The following DNAJC2 variants were observed in gnomAD, a reference collection of about 807,000 sequenced individuals.
DNAJC2 encodes dnaJ homolog subfamily C member 2.
Under a neutral mutation model 94.0 loss-of-function variants are expected in DNAJC2, and 32 were observed. The ratio of observed to expected loss-of-function variants is 0.34; its 90% CI spans 0.26 to 0.46. DNAJC2 has a LOEUF of 0.46. Among genes scored for constraint, DNAJC2 ranks in the 20% least tolerant of loss-of-function variants. DNAJC2 has a pLI of 1.00. For missense variants in DNAJC2, 550 were observed against 719.5 expected (o/e 0.76, Z 2.69); for synonymous variants, 210 against 229.7 (o/e 0.91, Z 0.77).
Position 103,326,808 on chromosome 7 carries a change from C to T in DNAJC2, c.431-124G>A. The T allele has an allele frequency of 5.1e-6, 5 of 980,622 alleles. No homozygotes were observed. In the South Asian group the frequency reaches 7.4e-5, roughly 15 times the overall value. 60.7% of individuals were successfully genotyped at this position (980,622 alleles called of 1,614,324 possible). A position where few individuals can be genotyped will look rare whatever the true frequency, so the allele number is the denominator to read the frequency against. On this transcript the variant is annotated intron_variant, in intron 4 of 16. Coordinates refer to ENST00000379263, the MANE Select transcript of DNAJC2 (RefSeq NM_014377.3). ...TTTTCATATTTGAAAATTTTGTTTG[C>T]AGGTTGGGGAGGATTTAATTTAGGT... is the stretch of plus-strand genomic sequence containing the variant.
At chr7:103,342,610 ATTT>A (rs1216827265) in intron 1 of DNAJC2, among the ~76,000 whole-genome samples, 2 of 136,432 alleles carry the variant, frequency 1.5e-5, no homozygotes, top group African/African-American at 2.7e-5. Flanking sequence ...CACCTGGACA[ATTT>A]TTTTTTTTTT....
At position 103,328,954 on chromosome 7, in the gene DNAJC2, C is replaced by T. The variant is rs772091266; in HGVS notation, c.332-1200G>A. 1.9e-5 allele frequency: 23 copies of T among 1,243,132 alleles called. No homozygotes were observed. The East Asian group carries it at 1.1e-3, about 60-fold the overall frequency. 77.0% of individuals were successfully genotyped at this position (1,243,132 alleles called of 1,614,324 possible). A position where few individuals can be genotyped will look rare whatever the true frequency, so the allele number is the denominator to read the frequency against. On this transcript the variant is annotated intron_variant, in intron 3 of 16. Transcript: ENST00000379263. Reference sequence around the variant, plus strand: ...AGGATATAATCACAGAAGTGAACTTCATGAATGGAAATGGAACAAGTTATT... The same window carrying T: ...AGGATATAATCACAGAAGTGAACTTTATGAATGGAAATGGAACAAGTTATT...
At chr7:103,316,641 T>C (rs986389143) in intron 13 of DNAJC2, 189 bp downstream of exon 13, 1 of 589,008 alleles carries the variant, frequency 1.7e-6, no homozygotes, top group African/African-American at 1.9e-5. Flanking sequence ...TATGTATATG[T>C]GCATGTGTAC....
chr7:103,343,535 A>T (rs1456134510), intron 1 of DNAJC2, among the ~76,000 whole-genome samples: 1 of 152,204 alleles, frequency 6.6e-6, no homozygotes, highest in African/African-American at 2.4e-5. Context: ...CACCTGTAAA[A>T]TGGGAACAAT....
chr7:103,316,656 G>A (rs974278434), intron 13 of DNAJC2, 174 bp downstream of exon 13: 1 of 608,694 alleles, frequency 1.6e-6, no homozygotes, highest in East Asian at 2.7e-5. Context: ...GTGTACTGAT[G>A]CAATGGGTAA....
chr7:103,343,255 C>T (rs930395525), intron 1 of DNAJC2, among the ~76,000 whole-genome samples: 4 of 152,194 alleles, frequency 2.6e-5, no homozygotes, highest in Admixed American at 6.5e-5. Context: ...CCTGCCTCGG[C>T]CTCCCAAAGT....
At chr7:103,316,360 G>A (rs866314965) in intron 13 of DNAJC2, 6 of 275,308 alleles carry the variant, frequency 2.2e-5, no homozygotes, top group African/African-American at 1.1e-4. Context: ...ACTTATTTGT[G>A]TATACTGCCA....
At chr7:103,323,372 C>T (rs962762881) in intron 7 of DNAJC2, among the ~76,000 whole-genome samples, 11 of 152,174 alleles carry the variant, frequency 7.2e-5, no homozygotes, top group Non-Finnish European at 1.3e-4. Context: ...ACTGAGCTAT[C>T]TGACATTATA....
chr7:103,342,672 G>A lies in DNAJC2; in HGVS notation c.65-718C>T, dbSNP rs566980662. On this transcript the variant is annotated intron_variant, in intron 1 of 16. Transcript: ENST00000379263. ...CACCCAGGCTGGAGTGCAATGGCGCGATCTTGGCTCACTGAAAGCTCCGCC... is the reference window on the plus strand; with the variant it reads ...CACCCAGGCTGGAGTGCAATGGCGCAATCTTGGCTCACTGAAAGCTCCGCC... Among the ~76,000 whole-genome samples the A allele has an allele frequency of 6.7e-5, 10 of 149,490 alleles. No individual in the cohort carries two copies. In the East Asian group the frequency reaches 2.0e-3, roughly 30 times the overall value.
chr7:103,320,919 C>A, intron 10 of DNAJC2: 1 of 157,732 alleles, frequency 6.3e-6, no homozygotes. Context: ...TATGCTTGGC[C>A]AGGTGCAGTG....
At position 103,312,434 on chromosome 7, in the gene DNAJC2, G is replaced by A. The variant is rs1023818547; in HGVS notation, c.*135C>T. On this transcript the variant is annotated 3_prime_UTR_variant, in exon 17 of 17. Coordinates refer to ENST00000379263, the MANE Select transcript of DNAJC2 (RefSeq NM_014377.3). ...CTCTGAAGGTTGTTTTGTATTAATG[G>A]TCAGTCTTTGTTCTCTGAGAAATTA... 2 of 1,512,884 alleles carry A rather than the reference G, an allele frequency of 1.3e-6. No homozygotes were observed. Among genetic ancestry groups the A allele is most frequent in the African/African-American group, 1.4e-5 (1 of 71,110 alleles). The allele number at this position is 1,512,884 out of a possible 1,614,324, so 93.7% of individuals were successfully genotyped here.
intron 15 of DNAJC2, chr7:103,313,943 G>C (rs528450251): frequency 1.0e-6 from 1 of 985,348 alleles, no homozygotes; most frequent in African/African-American, 1.7e-5. Context: ...CCAGTAGCCT[G>C]ACTACTACTA....
intron 3 of DNAJC2, among the ~76,000 whole-genome samples, chr7:103,330,196 T>G (rs1331879840): frequency 6.6e-6 from 1 of 152,242 alleles, no homozygotes; most frequent in Non-Finnish European, 1.5e-5. Flanking sequence ...TTTGCTATAT[T>G]AATATACTTC....
intron 10 of DNAJC2, among the ~76,000 whole-genome samples, chr7:103,320,139 A>G (rs1294038248): frequency 3.9e-5 from 6 of 152,132 alleles, no homozygotes; most frequent in African/African-American, 1.4e-4. Context: ...CCCAGGCTGG[A>G]GTCCAGTGGC....
intron 2 of DNAJC2, among the ~76,000 whole-genome samples, chr7:103,341,429 G>C (rs193067249): frequency 8.1e-4 from 124 of 152,252 alleles, no homozygotes; most frequent in Non-Finnish European, 1.6e-3. Flanking sequence ...TTCCTCAAGA[G>C]GCACTACATA....
At chr7:103,341,322 T>C (rs1394876449) in intron 2 of DNAJC2, among the ~76,000 whole-genome samples, 2 of 152,248 alleles carry the variant, frequency 1.3e-5, no homozygotes, top group African/African-American at 4.8e-5. Context: ...TTCTTTAGCA[T>C]GGTATAAAAA....
chr7:103,324,484 G>T lies in DNAJC2; in HGVS notation c.651C>A (p.Phe217Leu). 6.7e-7 allele frequency: 1 copy of T among 1,491,294 alleles called. No individual in the cohort carries two copies. Among genetic ancestry groups the T allele is most frequent in the South Asian group, 1.3e-5 (1 of 78,844 alleles). 92.4% of individuals were successfully genotyped at this position (1,491,294 alleles called of 1,614,324 possible). A position where few individuals can be genotyped will look rare whatever the true frequency, so the allele number is the denominator to read the frequency against. ...SFEDVDIFYS[F>L]WYNFDSWREF... ...ATACAAACAGTATATTCACTTACCA[G>T]AAAGAATAAAATATATCTACATCTT... The change falls in exon 6 of 17, where the codon TTC becomes TTA. Residue 217 changes from phenylalanine (F) to leucine (L), a missense_variant and splice_region_variant. Transcript: ENST00000379263.
intron 4 of DNAJC2, 108 bp from the exon 5 acceptor site, chr7:103,326,792 T>G (rs546848610): frequency 8.6e-7 from 1 of 1,167,394 alleles, no homozygotes; most frequent in African/African-American, 1.6e-5. Flanking sequence ...ATTTTCATAT[T>G]TGAAAATTTT....
chr7:103,337,744 T>C lies in DNAJC2; in HGVS notation c.323A>G (p.Lys108Arg), dbSNP rs1819230065. The C allele has an allele frequency of 6.2e-7, 1 of 1,613,148 alleles. No homozygotes were observed. Among genetic ancestry groups the C allele is most frequent in the South Asian group, 1.1e-5 (1 of 91,040 alleles). ...VRYKATQRQI[K>R]AAHKAMVLKH... ...AATAACTAAGTACTTACGAGCTGCT[T>C]TGATCTGTCTCTGTGTAGCCTTGTA... Residue 108 changes from lysine (K) to arginine (R), a missense_variant, in exon 3 of 17, where the codon AAA becomes AGA. Lys to Arg is a conservative substitution (Grantham distance 26, BLOSUM62 2). Transcript: ENST00000379263.
Sources: gnomAD v4.1 joint callset for allele counts (sites outside exome capture counted in the v4.1 genomes callset) on GRCh38, gnomAD v4.1.1 for gene constraint, MANE v1.5 for transcripts, NCBI Gene and HGNC (gene_info 2026-07-23, HGNC 2026-07-21) for gene names.